Variants in EDAR observed in about 807,000 individuals in gnomAD.
EDAR encodes the protein tumor necrosis factor receptor superfamily member EDAR.
EDAR carries 38 observed loss-of-function variants against 51.3 expected under a neutral mutation model. The observed-to-expected ratio is 0.74, with a 90% CI of 0.57 to 0.97. EDAR has a LOEUF of 0.97. Ranked by LOEUF, EDAR falls within the 50% of genes least tolerant of loss-of-function variation. EDAR has a pLI of 0.00. For synonymous variants in EDAR, 227 were observed against 242.1 expected, an observed-to-expected ratio of 0.94 and a Z score of 0.58; for missense variants, 528 against 595.0, an observed-to-expected ratio of 0.89 and a Z score of 1.17.
At chr2:108,897,300 T>A in intron 11 of EDAR, 71 bp from the exon 12 acceptor site, 2 of 1,390,120 alleles carry the variant, frequency 1.4e-6, no homozygotes, top group Admixed American at 2.0e-5. Context: ...TGAAAAATTA[T>A]TTAAATGAAA....
chr2:108,898,959 C>G (rs1696652311), intron 11 of EDAR, among the ~76,000 whole-genome samples: 1 of 152,050 alleles, frequency 6.6e-6, no homozygotes, highest in Non-Finnish European at 1.5e-5. Context: ...ACATTTGTGT[C>G]AAGAAGTTTC....
At chr2:108,963,807 T>C (rs1698098759) in intron 1 of EDAR, among the ~76,000 whole-genome samples, 1 of 152,228 alleles carries the variant, frequency 6.6e-6, no homozygotes, top group Non-Finnish European at 1.5e-5. Flanking sequence ...CTGTAGACTC[T>C]GCCTTCTTGT....
intron 1 of EDAR, among the ~76,000 whole-genome samples, chr2:108,942,524 G>A (rs1365466983): frequency 2.0e-5 from 3 of 152,242 alleles, no homozygotes; most frequent in Non-Finnish European, 4.4e-5. Flanking sequence ...GAACCACGGC[G>A]ACGGCAGGGG....
chr2:108,976,653 CA>C (rs1254095694), intron 1 of EDAR, among the ~76,000 whole-genome samples: 3 of 152,196 alleles, frequency 2.0e-5, no homozygotes, highest in Admixed American at 2.0e-4. Context: ...ATTTATTTGT[CA>C]GTGTGAACAC....
At chr2:108,949,063 G>A (rs952872273) in intron 1 of EDAR, among the ~76,000 whole-genome samples, 1 of 152,148 alleles carries the variant, frequency 6.6e-6, no homozygotes, top group African/African-American at 2.4e-5. Context: ...CTGCAGTCTC[G>A]ACCTCCAGAG....
intron 1 of EDAR, among the ~76,000 whole-genome samples, chr2:108,956,270 G>A (rs1697923848): frequency 6.6e-6 from 1 of 152,122 alleles, no homozygotes; most frequent in Non-Finnish European, 1.5e-5. Context: ...TTTGTGCCTG[G>A]CTGGAGATAC....
chr2:108,920,362 G>C (rs1056983987), intron 5 of EDAR, among the ~76,000 whole-genome samples: 4 of 152,178 alleles, frequency 2.6e-5, no homozygotes, highest in African/African-American at 9.7e-5. Context: ...CTTCCTCTCT[G>C]TTACGGCAGG....
chr2:108,927,096 ACACAG>A (rs918930604), intron 4 of EDAR, among the ~76,000 whole-genome samples: 1 of 152,202 alleles, frequency 6.6e-6, no homozygotes, highest in African/African-American at 2.4e-5. Flanking sequence ...CTTTGAGCAG[ACACAG>A]CACATCATGG....
chr2:108,936,239 A>C (rs947635067), intron 1 of EDAR, among the ~76,000 whole-genome samples: 3 of 152,226 alleles, frequency 2.0e-5, no homozygotes, highest in African/African-American at 7.2e-5. Context: ...GGCAGGCCTG[A>C]TGGTTCGGAG....
At chr2:108,986,157 T>C (rs929529019) in intron 1 of EDAR, among the ~76,000 whole-genome samples, 4 of 152,162 alleles carry the variant, frequency 2.6e-5, no homozygotes, top group African/African-American at 9.7e-5. Flanking sequence ...CCAAATGCCA[T>C]TTTGAGTTTT....
Position 108,911,048 on chromosome 2 carries a change from G to A in EDAR, c.554C>T (p.Ala185Val), listed in dbSNP as rs772418418. The change falls in exon 7 of 12, where the codon GCC becomes GTC. Residue 185 changes from alanine (A) to valine (V), a missense_variant. Transcript: ENST00000258443. ...HKELSGQGHL[A>V]TALIIAMSTI... ...GGACATTGCAATGATCAGGGCAGTG[G>A]CCAGGTGTCCTTGGCCTGAGAGTTC... The A allele has an allele frequency of 3.7e-6, 6 of 1,614,172 alleles. No homozygotes were observed. Among genetic ancestry groups the A allele is most frequent in the Non-Finnish European group, 5.1e-6 (6 of 1,180,032 alleles).
chr2:108,907,239 G>C (rs1198230428), intron 10 of EDAR, among the ~76,000 whole-genome samples: 1 of 152,210 alleles, frequency 6.6e-6, no homozygotes, highest in Non-Finnish European at 1.5e-5. Flanking sequence ...TGTCTGGTTA[G>C]ATAAAACCCC....
chr2:108,913,393 T>C (rs1696967133), intron 5 of EDAR, among the ~76,000 whole-genome samples: 1 of 152,140 alleles, frequency 6.6e-6, no homozygotes, highest in Admixed American at 6.5e-5. Flanking sequence ...ATAAGCAACA[T>C]AGAGTGTGTA....
chr2:108,911,093 T>G (rs368489348), intron 6 of EDAR, 21 bp from the exon 7 acceptor site: 5 of 1,613,922 alleles, frequency 3.1e-6, no homozygotes, highest in African/African-American at 2.7e-5. Context: ...AGAGAAGGCA[T>G]GAATGACCCA....
intron 1 of EDAR, among the ~76,000 whole-genome samples, chr2:108,973,433 C>A (rs1698269745): frequency 6.6e-6 from 1 of 152,224 alleles, no homozygotes; most frequent in Admixed American, 6.5e-5. Context: ...GGGCTCAGTG[C>A]AGTGCTGGCT....
intron 1 of EDAR, among the ~76,000 whole-genome samples, chr2:108,948,274 T>C (rs1036108469): frequency 1.3e-4 from 20 of 152,242 alleles, no homozygotes; most frequent in African/African-American, 4.6e-4. Context: ...ATTGGCATTT[T>C]GGTCAAAATC....
intron 11 of EDAR, 118 bp from the exon 12 acceptor site, chr2:108,897,347 A>G: frequency 1.0e-6 from 1 of 997,250 alleles, no homozygotes; most frequent in Non-Finnish European, 1.5e-6. Flanking sequence ...TAAAATTATA[A>G]AACATGCAGA....
At chr2:108,926,380 T>G (rs1697255569) in intron 4 of EDAR, among the ~76,000 whole-genome samples, 2 of 152,108 alleles carry the variant, frequency 1.3e-5, no homozygotes, top group African/African-American at 4.8e-5. Flanking sequence ...TCCCCTGGGA[T>G]CTGTTGTTTA....
At chr2:108,911,154 C>T (rs1696923301) in intron 6 of EDAR, 82 bp from the exon 7 acceptor site, 1 of 1,549,286 alleles carries the variant, frequency 6.5e-7, no homozygotes, top group Non-Finnish European at 8.9e-7. Context: ...CCCCTGGAAG[C>T]AATGGCCCTG....
Sources: gnomAD v4.1 joint callset for allele counts (sites outside exome capture counted in the v4.1 genomes callset) on GRCh38, gnomAD v4.1.1 for gene constraint, MANE v1.5 for transcripts, NCBI Gene and HGNC (gene_info 2026-07-23, HGNC 2026-07-21) for gene names.